Variants in KCNQ2 observed in about 807,000 individuals in gnomAD.
KCNQ2 encodes potassium voltage-gated channel subfamily Q member 2.
In KCNQ2, 14 loss-of-function variants were observed where a neutral mutation model predicts 84.8. The ratio of observed to expected loss-of-function variants is 0.17; its 90% CI spans 0.11 to 0.26. The LOEUF (loss-of-function observed/expected upper bound fraction) is 0.26. Among genes scored for constraint, KCNQ2 ranks in the 10% least tolerant of loss-of-function variants. KCNQ2 has a pLI of 1.00. For missense variants in KCNQ2, 788 were observed against 1,254.0 expected (o/e 0.63, Z 5.61); for synonymous variants, 599 against 554.1 (o/e 1.08, Z -1.14).
At chr20:63,458,751 G>C (rs187838584) in intron 1 of KCNQ2, among the ~76,000 whole-genome samples, 5 of 152,268 alleles carry the variant, frequency 3.3e-5, no homozygotes, top group Non-Finnish European at 2.9e-5. Context: ...CGGCAGCCAA[G>C]ACCCTGCCCT....
At chr20:63,442,893 C>A (rs973889228) in intron 4 of KCNQ2, among the ~76,000 whole-genome samples, 1 of 6,246 alleles carries the variant, frequency 1.6e-4, no homozygotes, top group Admixed American at 1.4e-3. Context: ...ACCACCATCA[C>A]CACCATCACC....
rs184557984 is a variant in KCNQ2 at position 63,465,212 on chromosome 20, G to A, written c.296+6956C>T. Reference sequence around the variant, plus strand: ...GTTCTCCTGGACGAATTAAAAGCACGACCCATCCCAGCTTCAGAAAACAAA... The same window carrying A: ...GTTCTCCTGGACGAATTAAAAGCACAACCCATCCCAGCTTCAGAAAACAAA... On this transcript the variant is annotated intron_variant, in intron 1 of 16. Coordinates refer to ENST00000359125, the MANE Select transcript of KCNQ2 (RefSeq NM_172107.4). Among the ~76,000 whole-genome samples the A allele has an allele frequency of 1.1e-3, 171 of 152,312 alleles. 4 individuals are homozygous for A. In the South Asian group the frequency reaches 0.028, roughly 25 times the overall value.
chr20:63,442,752 T>TCACCATCAC (rs1600769964), intron 4 of KCNQ2, among the ~76,000 whole-genome samples: 4 of 35,176 alleles, frequency 1.1e-4, no homozygotes, highest in Admixed American at 3.0e-4. Flanking sequence ...ATCACCACCA[T>TCACCATCAC]CACCATCACC....
intron 12 of KCNQ2, among the ~76,000 whole-genome samples, chr20:63,417,903 G>C (rs2080345354): frequency 6.6e-6 from 1 of 152,236 alleles, no homozygotes; most frequent in Non-Finnish European, 1.5e-5. Context: ...TACTGCCCCA[G>C]ACAGAGCCGG....
chr20:63,437,818 CT>C (rs1165171560), intron 7 of KCNQ2, among the ~76,000 whole-genome samples: 4 of 151,542 alleles, frequency 2.6e-5, no homozygotes, highest in East Asian at 1.9e-4. Context: ...CATATTTTCT[CT>C]TTTTTTTTGA....
At position 63,407,134 on chromosome 20, in the gene KCNQ2, A is replaced by C. The variant is rs1223683779; in HGVS notation, c.2129T>G (p.Val710Gly). The change falls in exon 17 of 17, where the codon GTC becomes GGC. Residue 710 changes from valine to glycine, a missense_variant. Transcript: ENST00000359125. The surrounding 1 kb of genome is among the most constrained non-coding windows in gnomAD (Gnocchi z 7.2). ...CCAGGAGGTGGAGGGCGGACACTGG[A>C]CAGGGGGCGCGGCCGGGGGCGCCGA... ...NFSAPPAAPP[V>G]QCPPSTSWQP... The C allele has an allele frequency of 6.4e-7, 1 of 1,564,014 alleles. No homozygotes were observed. Among genetic ancestry groups the C allele is most frequent in the African/African-American group, 1.4e-5 (1 of 73,976 alleles).
chr20:63,453,481 G>A (rs1450385340), intron 1 of KCNQ2, among the ~76,000 whole-genome samples: 1 of 152,208 alleles, frequency 6.6e-6, no homozygotes, highest in African/African-American at 2.4e-5. Context: ...CGCCTTCTGC[G>A]GGCGATCCTC....
Position 63,460,698 on chromosome 20 carries a change from G to A in KCNQ2, c.296+11470C>T, listed in dbSNP as rs1600847727. ...CTCCCCTCACCAGCCTTCCTGGCCAGGGTGGCCTCATCACCTAATCACATT... is the reference window on the plus strand; with the variant it reads ...CTCCCCTCACCAGCCTTCCTGGCCAAGGTGGCCTCATCACCTAATCACATT... On this transcript the variant is annotated intron_variant, in intron 1 of 16. Coordinates refer to ENST00000359125, the MANE Select transcript of KCNQ2 (RefSeq NM_172107.4). This position sits in a 1 kb window ranked among gnomAD's most constrained non-coding sequence, Gnocchi z 5.4. Among the ~76,000 whole-genome samples the A allele has an allele frequency of 6.6e-6, 1 of 152,242 alleles. No homozygotes were observed.
Position 63,406,691 on chromosome 20 carries a change from C to T in KCNQ2, c.2572G>A (p.Gly858Ser), listed in dbSNP as rs756609768. Residue 858 changes from glycine (G) to serine (S), a missense_variant, in exon 17 of 17, where the codon GGC (glycine) becomes AGC (serine). Coordinates refer to ENST00000359125, the MANE Select transcript of KCNQ2 (RefSeq NM_172107.4). ...PCGPPPRSAT[G>S]EGPFGDVGWA... ...CCCACGTCACCAAAGGGACCCTCGC[C>T]GGTGGCCGAGCGTGGCGGGGGCCCG... 37 of 1,605,984 alleles carry T rather than the reference C, an allele frequency of 2.3e-5. No homozygotes were observed. The highest frequency in any genetic ancestry group is 9.3e-5 in the African/African-American group (7 of 74,872).
Position 63,446,142 on chromosome 20 carries a change from G to T in KCNQ2, c.387+605C>A. ...CCTGCCTTGAGTTGGGGGGTGCACA[G>T]CAGGGCTGAGCTGAGGGAAGGCCCC... On this transcript the variant is annotated intron_variant, in intron 2 of 16. Transcript: ENST00000359125. The surrounding 1 kb of genome is among the most constrained non-coding windows in gnomAD (Gnocchi z 5.5). The T allele has an allele frequency of 3.5e-6, 1 of 283,602 alleles. No homozygotes were observed. The highest frequency in any genetic ancestry group is 3.2e-5 in the South Asian group (1 of 31,438). 17.6% of individuals were successfully genotyped at this position (283,602 alleles called of 1,614,324 possible).
chr20:63,434,848 T>C (rs762646100), intron 7 of KCNQ2: 2 of 152,276 alleles, frequency 1.3e-5, no homozygotes, highest in Non-Finnish European at 2.9e-5. Context: ...ACATTTCAGC[T>C]GTTTCCACTT....
intron 12 of KCNQ2, among the ~76,000 whole-genome samples, chr20:63,418,349 C>T (rs1323246454): frequency 6.6e-6 from 1 of 152,226 alleles, no homozygotes; most frequent in East Asian, 1.9e-4. Flanking sequence ...CCCCACCCGG[C>T]CTGCCACCCT....
intron 1 of KCNQ2, among the ~76,000 whole-genome samples, chr20:63,459,321 G>A (rs760251488): frequency 6.6e-5 from 10 of 152,186 alleles, no homozygotes; most frequent in Non-Finnish European, 1.0e-4. Flanking sequence ...TTCGAGACCA[G>A]CCTGGGTAAC....
chr20:63,428,697 G>A (rs1315782954), intron 9 of KCNQ2, among the ~76,000 whole-genome samples: 2 of 152,166 alleles, frequency 1.3e-5, no homozygotes, highest in East Asian at 1.9e-4. Flanking sequence ...GGAGGGAAGA[G>A]GGCGCCTGGC....
At chr20:63,466,301 C>T (rs1341024463) in intron 1 of KCNQ2, 1 of 151,778 alleles carries the variant, frequency 6.6e-6, no homozygotes, top group Non-Finnish European at 1.5e-5. Context: ...TTCCCACGCT[C>T]GAGCCGGGGC....
At chr20:63,413,910 G>A (rs1356793461) in intron 14 of KCNQ2, among the ~76,000 whole-genome samples, 178 bp downstream of exon 14, 1 of 152,180 alleles carries the variant, frequency 6.6e-6, no homozygotes, top group Non-Finnish European at 1.5e-5. Context: ...CTGAGTCCCA[G>A]AGGAGTGCAC....
rs8119292 is a variant in KCNQ2, at chr20:63,434,369, T to C, written c.1024-466A>G. On this transcript the variant is annotated intron_variant, in intron 7 of 16. Transcript: ENST00000359125. ...CTCAGCCCGGCTCGGGGCATGAGCC[T>C]GTACGTCAGACTGAACCTCGCCTGG... 9.1e-3 allele frequency: 1,666 copies of C among 182,280 alleles called. 29 individuals are homozygous for C. The highest frequency in any genetic ancestry group is 0.037 in the African/African-American group (1,592 of 42,536). 11.3% of individuals were successfully genotyped at this position (182,280 alleles called of 1,614,324 possible).
At chr20:63,430,918 G>A (rs565907874) in intron 9 of KCNQ2, among the ~76,000 whole-genome samples, 73 of 152,338 alleles carry the variant, frequency 4.8e-4, no homozygotes, top group East Asian at 3.9e-3. Context: ...GGTGCCCAGC[G>A]CCAGGGCAGG....
intron 2 of KCNQ2, among the ~76,000 whole-genome samples, chr20:63,445,765 C>T (rs56652620): frequency 0.046 from 5,625 of 122,084 alleles, 858 homozygotes; most frequent in Middle Eastern, 0.073. Flanking sequence ...AGCTGGGGGA[C>T]CCTGTCTGAG....
Sources: gnomAD v4.1 joint callset for allele counts (sites outside exome capture counted in the v4.1 genomes callset) on GRCh38, gnomAD v4.1.1 for gene constraint, Gnocchi (gnomAD v3.1) non-coding constraint, MANE v1.5 for transcripts, NCBI Gene and HGNC (gene_info 2026-07-23, HGNC 2026-07-21) for gene names.